Variants in PPP2R3A observed in about 807,000 individuals in gnomAD.
The protein encoded by PPP2R3A is protein phosphatase 2 regulatory subunit B''alpha.
In PPP2R3A, 80 loss-of-function variants were observed where a neutral mutation model predicts 106.9. The ratio of observed to expected loss-of-function variants is 0.75; its 90% CI spans 0.62 to 0.90. The LOEUF (loss-of-function observed/expected upper bound fraction) is 0.90. PPP2R3A is among the 40% of genes least tolerant of loss of function. The pLI, the probability that PPP2R3A is intolerant of heterozygous loss-of-function variation, is 0.00. For synonymous variants in PPP2R3A, 483 were observed against 468.3 expected (o/e 1.03, Z -0.41); for missense variants, 1,386 against 1,350.4 (o/e 1.03, Z -0.41).
intron 1 of PPP2R3A, among the ~76,000 whole-genome samples, chr3:135,966,910 A>G (rs1278292711): frequency 1.3e-5 from 2 of 151,976 alleles, no homozygotes; most frequent in East Asian, 3.9e-4. Context: ...AACAGAACCC[A>G]GCGCCTAGAC....
intron 5 of PPP2R3A, among the ~76,000 whole-genome samples, chr3:136,054,253 CTTTTTTTTTTTTTTT>C (rs35801926): frequency 1.2e-5 from 1 of 80,728 alleles, no homozygotes; most frequent in Non-Finnish European, 2.2e-5. Flanking sequence ...CTTCACAATT[CTTTTTTTTTTTTTTT>C]TTTTTTTTTG....
At chr3:136,106,941 A>AC (rs1315226547) in intron 13 of PPP2R3A, 1 of 127,360 alleles carries the variant, frequency 7.9e-6, no homozygotes, top group Non-Finnish European at 1.7e-5. Flanking sequence ...AAAAAAAAAA[A>AC]AAAAAAAAAA....
chr3:136,083,750 T>C (rs1936851737), intron 8 of PPP2R3A, among the ~76,000 whole-genome samples: 1 of 152,164 alleles, frequency 6.6e-6, no homozygotes, highest in Non-Finnish European at 1.5e-5. Flanking sequence ...AAAATGCTGA[T>C]AGTGATATGG....
intron 13 of PPP2R3A, among the ~76,000 whole-genome samples, chr3:136,126,286 A>C (rs1008800071): frequency 1.3e-5 from 2 of 152,246 alleles, no homozygotes; most frequent in African/African-American, 4.8e-5. Flanking sequence ...GCTTTGCTCA[A>C]GGTCTTAGCA....
chr3:136,073,037 G>A (rs374983982), intron 6 of PPP2R3A, among the ~76,000 whole-genome samples: 10 of 152,134 alleles, frequency 6.6e-5, no homozygotes, highest in Non-Finnish European at 8.8e-5. Context: ...GCACGGTCTC[G>A]GCTCACTGCA....
intron 3 of PPP2R3A, among the ~76,000 whole-genome samples, chr3:136,035,515 CTGA>C (rs1935056665): frequency 6.6e-6 from 1 of 152,142 alleles, no homozygotes; most frequent in South Asian, 2.1e-4. Context: ...AAAATTTTGG[CTGA>C]TAATTGTTTT....
intron 13 of PPP2R3A, among the ~76,000 whole-genome samples, chr3:136,113,955 G>T (rs1937644122): frequency 6.6e-6 from 1 of 152,160 alleles, no homozygotes; most frequent in Non-Finnish European, 1.5e-5. Flanking sequence ...CCTAATTAAA[G>T]AGCTTCTGGA....
chr3:136,072,700 G>A (rs77648064), intron 6 of PPP2R3A, among the ~76,000 whole-genome samples: 2 of 152,184 alleles, frequency 1.3e-5, no homozygotes, highest in African/African-American at 2.4e-5. Context: ...GCATAATTTA[G>A]ATTCTTAAGA....
chr3:135,975,410 A>G (rs1937390888), intron 1 of PPP2R3A, among the ~76,000 whole-genome samples: 1 of 152,220 alleles, frequency 6.6e-6, no homozygotes, highest in South Asian at 2.1e-4. Flanking sequence ...TCATGTTATT[A>G]AAATCTGGAA....
Position 136,087,882 on chromosome 3 carries a change from G to C in PPP2R3A, c.2789-1G>C, listed in dbSNP as rs1216444705. The C allele has an allele frequency of 1.2e-6, 2 of 1,606,962 alleles. No homozygotes were observed. The highest frequency in any genetic ancestry group is 1.7e-6 in the Non-Finnish European group (2 of 1,175,308). ...GCAATTTTTTTTTTATCTACATTTA[G>C]CTTCATCAAGCAGGATTATTGAAAG... On this transcript the variant is annotated splice_acceptor_variant, in intron 8 of 13. Transcript: ENST00000264977. LOFTEE classifies it high-confidence loss of function.
Position 136,041,266 on chromosome 3 carries a change from T to TG in PPP2R3A, c.2366+304_2366+305insG, listed in dbSNP as rs1441456794. 2.5e-4 allele frequency among the ~76,000 whole-genome samples: 32 copies of TG among 129,126 alleles called. 2 individuals are homozygous for TG. Among genetic ancestry groups the TG allele is most frequent in the African/African-American group, 7.0e-4 (24 of 34,482 alleles). 84.7% of individuals were successfully genotyped at this position (129,126 alleles called of 152,430 possible). On this transcript the variant is annotated intron_variant, in intron 4 of 13. Transcript: ENST00000264977. ...TTTTTTTTTGTTTTTTTTTTTGTTT[T>TG]TTTTTTTTTGAGACAGAATGTCACT...
chr3:136,042,178 T>G (rs1935310860), intron 4 of PPP2R3A, among the ~76,000 whole-genome samples: 1 of 152,230 alleles, frequency 6.6e-6, no homozygotes, highest in South Asian at 2.1e-4. Flanking sequence ...AATAAATGTA[T>G]TCTTATTTTT....
intron 5 of PPP2R3A, among the ~76,000 whole-genome samples, chr3:136,061,174 GA>G (rs1361552680): frequency 1.3e-5 from 2 of 152,184 alleles, no homozygotes; most frequent in Non-Finnish European, 2.9e-5. Context: ...GAGAAAGAGA[GA>G]GAGAAAAAGA....
At chr3:136,134,100 T>C (rs1463161569) in intron 13 of PPP2R3A, among the ~76,000 whole-genome samples, 1 of 152,192 alleles carries the variant, frequency 6.6e-6, no homozygotes, top group Non-Finnish European at 1.5e-5. Context: ...ATATTAAGCA[T>C]TATTGGATAC....
At chr3:135,967,142 C>T (rs560095400) in intron 1 of PPP2R3A, among the ~76,000 whole-genome samples, 1 of 152,178 alleles carries the variant, frequency 6.6e-6, no homozygotes, top group East Asian at 1.9e-4. Flanking sequence ...CCTTTTATCA[C>T]CTCTGGCAGA....
chr3:135,997,005 C>G (rs1007079901), intron 1 of PPP2R3A, among the ~76,000 whole-genome samples: 22 of 152,178 alleles, frequency 1.4e-4, no homozygotes, highest in Non-Finnish European at 2.6e-4. Context: ...TGAGACTAAT[C>G]CCCTCACCAG....
rs1464977624 is a variant in PPP2R3A at position 136,002,467 on chromosome 3, C to T, written c.969C>T (p.Ser323=). The change falls in exon 2 of 14, where the codon TCC becomes TCT. Residue 323 remains serine (S), a synonymous_variant. Coordinates refer to ENST00000264977, the MANE Select transcript of PPP2R3A (RefSeq NM_002718.5). ...CTAGCTTACAACTGACTCCCTTCTC[C>T]CCAGTGTTTGGCACTGAACAACCCC... The part of the protein sequence containing the change: ...NMPSLQLTPF[S]PVFGTEQPPK... 5 of 1,614,052 alleles carry T rather than the reference C, an allele frequency of 3.1e-6. No homozygotes were observed. Among genetic ancestry groups the T allele is most frequent in the Admixed American group, 1.7e-5 (1 of 60,014 alleles).
intron 2 of PPP2R3A, among the ~76,000 whole-genome samples, chr3:136,005,973 A>G (rs1933830019): frequency 6.6e-6 from 1 of 152,136 alleles, no homozygotes; most frequent in Admixed American, 6.5e-5. Flanking sequence ...AAAGGAGACA[A>G]ATTCTCTAAA....
intron 5 of PPP2R3A, among the ~76,000 whole-genome samples, chr3:136,062,304 C>A (rs1255648480): frequency 2.6e-5 from 4 of 152,110 alleles, no homozygotes; most frequent in Non-Finnish European, 5.9e-5. Context: ...TAATGAAGGG[C>A]AGCATCAGGA....
Sources: gnomAD v4.1 joint callset for allele counts (sites outside exome capture counted in the v4.1 genomes callset) on GRCh38, gnomAD v4.1.1 for gene constraint, MANE v1.5 for transcripts, NCBI Gene and HGNC (gene_info 2026-07-23, HGNC 2026-07-21) for gene names.